MARCHF6: variants seen among roughly 807,000 people sequenced by gnomAD.
MARCHF6 encodes membrane associated ring-CH-type finger 6.
MARCHF6 carries 31 observed loss-of-function variants against 133.7 expected under a neutral mutation model. The observed-to-expected ratio is 0.23, with a 90% confidence interval of 0.17 to 0.31. The LOEUF is 0.31. Among genes scored for constraint, MARCHF6 ranks in the 10% least tolerant of loss-of-function variants. The pLI, the probability that MARCHF6 is intolerant of heterozygous loss-of-function variation, is 1.00. For synonymous variants in MARCHF6, 395 were observed against 402.5 expected (o/e 0.98, Z 0.22); for missense variants, 723 against 1,121.6 (o/e 0.64, Z 5.08).
intron 3 of MARCHF6, among the ~76,000 whole-genome samples, chr5:10,380,624 C>T (rs1737076964): frequency 6.6e-6 from 1 of 152,024 alleles, no homozygotes. Context: ...GGGCATGTGC[C>T]ATTAAAAGTT....
Position 10,402,446 on chromosome 5 carries a change from T to G in MARCHF6, c.1116T>G (p.Val372=). The G allele has an allele frequency of 1.2e-6, 2 of 1,613,964 alleles. No homozygotes were observed. Among genetic ancestry groups the G allele is most frequent in the South Asian group, 2.2e-5 (2 of 91,072 alleles). ...SRRLLGVCYI[V]VKVSLLVVVE... ...GCTTACTGGGAGTCTGCTATATTGT[T>G]GTTAAGGTAATTCCTGTTATAACTT... Residue 372 remains valine, a synonymous_variant, in exon 13 of 26, where the codon GTT becomes GTG. Coordinates refer to ENST00000274140, the MANE Select transcript of MARCHF6 (RefSeq NM_005885.4).
intron 3 of MARCHF6, among the ~76,000 whole-genome samples, chr5:10,381,333 C>A (rs911051584): frequency 4.6e-5 from 7 of 152,202 alleles, no homozygotes; most frequent in African/African-American, 1.7e-4. Flanking sequence ...TTTGCTCCCA[C>A]ATGAAATGAT....
chr5:10,409,877 G>A (rs1302217194), intron 17 of MARCHF6, among the ~76,000 whole-genome samples: 1 of 152,124 alleles, frequency 6.6e-6, no homozygotes, highest in East Asian at 1.9e-4. Flanking sequence ...GTGACCTTTT[G>A]TGTAACATGC....
intron 1 of MARCHF6, among the ~76,000 whole-genome samples, chr5:10,359,608 GAAGA>G (rs1735688512): frequency 6.6e-6 from 1 of 151,830 alleles, no homozygotes; most frequent in African/African-American, 2.4e-5. Context: ...TATATTTATT[GAAGA>G]AAGAAATCCG....
At chr5:10,417,717 C>CAAAA (rs748194332) in intron 22 of MARCHF6, among the ~76,000 whole-genome samples, 6 of 52,500 alleles carry the variant, frequency 1.1e-4, no homozygotes, top group Non-Finnish European at 1.5e-4. Context: ...AGCCTCTGTC[C>CAAAA]AAAAAAAAAA....
At chr5:10,360,078 C>T (rs947581325) in intron 1 of MARCHF6, among the ~76,000 whole-genome samples, 1 of 150,902 alleles carries the variant, frequency 6.6e-6, no homozygotes, top group Non-Finnish European at 1.5e-5. Context: ...GGCTTCTGGT[C>T]ACCAGTAGGC....
At chr5:10,433,225 G>C (rs531326107) in intron 25 of MARCHF6, among the ~76,000 whole-genome samples, 11 of 152,188 alleles carry the variant, frequency 7.2e-5, no homozygotes, top group African/African-American at 1.2e-4. Flanking sequence ...TTTTTAGTCT[G>C]TCTCCTTAGA....
intron 11 of MARCHF6, chr5:10,401,168 G>A (rs1256684885): frequency 4.4e-6 from 1 of 228,510 alleles, no homozygotes; most frequent in Non-Finnish European, 8.6e-6. Context: ...GGTGCCCCCT[G>A]CTGAATTTAG....
In MARCHF6 at chr5:10,390,323, T is replaced by C; in HGVS notation, c.408-9T>C. 1.2e-6 allele frequency: 2 copies of C among 1,611,244 alleles called. No homozygotes were observed. Among genetic ancestry groups the C allele is most frequent in the South Asian group, 2.2e-5 (2 of 90,170 alleles). The stretch of plus-strand genomic sequence containing the variant: ...TTGGAGTAATTATATGTACTTTTTT[T>C]TTTAATAGGGAAAATTTGTTGGCAG... On this transcript the variant is annotated splice_polypyrimidine_tract_variant and intron_variant, in intron 5 of 25. Transcript: ENST00000274140.
chr5:10,435,145 T>TA lies in MARCHF6; in HGVS notation c.*1465dup, dbSNP rs1438416616. On this transcript the variant is annotated 3_prime_UTR_variant, in exon 26 of 26. Transcript: ENST00000274140. ...TCATATAGTATTAAAATCCATAGAC[T>TA]AAAATCTGAGAATTTTTTAACATAT... The TA allele has an allele frequency of 6.6e-6, 1 of 152,638 alleles. No homozygotes were observed. The highest frequency in any genetic ancestry group is 1.5e-5 in the Non-Finnish European group (1 of 68,044). 9.5% of individuals were successfully genotyped at this position (152,638 alleles called of 1,614,324 possible).
chr5:10,387,001 C>A lies in MARCHF6; in HGVS notation c.342C>A (p.Ile114=), dbSNP rs764805201. The change falls in exon 5 of 26, where the codon ATC becomes ATA. Residue 114 remains isoleucine, a synonymous_variant. Transcript: ENST00000274140. The part of the protein sequence containing the change: ...LGVVPLTACR[I]YKCLFTGSVS... ...CATGCTCTTTTTCGGTAGGCCGCAT[C>A]TACAAGTGCTTGTTTACTGGCTCCG... 7 of 1,613,272 alleles carry A rather than the reference C, an allele frequency of 4.3e-6. No individual in the cohort carries two copies. The highest frequency in any genetic ancestry group is 5.1e-6 in the Non-Finnish European group (6 of 1,179,282).
chr5:10,409,207 G>T (rs561044635), intron 17 of MARCHF6, among the ~76,000 whole-genome samples: 99 of 152,280 alleles, frequency 6.5e-4, no homozygotes, highest in African/African-American at 2.4e-3. Context: ...TCTCAAATTT[G>T]TATTTTATTA....
chr5:10,365,547 A>C (rs906862505), intron 1 of MARCHF6, among the ~76,000 whole-genome samples: 1 of 152,030 alleles, frequency 6.6e-6, no homozygotes, highest in East Asian at 1.9e-4. Flanking sequence ...TGATCCGCCC[A>C]CCTCAGCCTC....
At chr5:10,417,747 GA>G (rs140763518) in intron 22 of MARCHF6, among the ~76,000 whole-genome samples, 2,047 of 148,268 alleles carry the variant, frequency 0.014, 53 homozygotes, top group African/African-American at 0.047. Flanking sequence ...AAGACAAAAG[GA>G]AAAAAATATA....
At chr5:10,378,689 ATG>A (rs1469572514) in intron 2 of MARCHF6, 68 bp from the exon 3 acceptor site, 6 of 956,122 alleles carry the variant, frequency 6.3e-6, no homozygotes, top group Non-Finnish European at 9.7e-6. Flanking sequence ...AATAAAAACA[ATG>A]TTTTCGACAA....
At chr5:10,376,952 T>C (rs1265322226) in intron 1 of MARCHF6, among the ~76,000 whole-genome samples, 1 of 152,176 alleles carries the variant, frequency 6.6e-6, no homozygotes, top group Non-Finnish European at 1.5e-5. Context: ...AGGGATTGGC[T>C]CTTGGCCCTG....
chr5:10,357,161 C>T (rs1167231006), intron 1 of MARCHF6, among the ~76,000 whole-genome samples: 2 of 151,140 alleles, frequency 1.3e-5, no homozygotes, highest in Non-Finnish European at 2.9e-5. Flanking sequence ...TCCTGTAATG[C>T]ACTGAGATTT....
chr5:10,417,160 A>C, intron 21 of MARCHF6, 110 bp from the exon 22 acceptor site: 1 of 1,239,648 alleles, frequency 8.1e-7, no homozygotes, highest in Non-Finnish European at 1.1e-6. Context: ...GTGGATACTG[A>C]GGGATGACTG....
chr5:10,403,685 G>T, intron 15 of MARCHF6, 144 bp downstream of exon 15: 1 of 703,012 alleles, frequency 1.4e-6, no homozygotes, highest in African/African-American at 1.8e-5. Context: ...TAACTTATAG[G>T]GGACTTTGAC....
Sources: gnomAD v4.1 joint callset for allele counts (sites outside exome capture counted in the v4.1 genomes callset) on GRCh38, gnomAD v4.1.1 for gene constraint, MANE v1.5 for transcripts, NCBI Gene and HGNC (gene_info 2026-07-23, HGNC 2026-07-21) for gene names.